SH2D4B: variants seen among roughly 807,000 people sequenced by gnomAD.
SH2D4B encodes the protein SH2 domain-containing protein 4B.
In SH2D4B, 45 loss-of-function variants were observed where a neutral mutation model predicts 61.5. The ratio of observed to expected loss-of-function variants is 0.73; its 90% confidence interval spans 0.58 to 0.94. SH2D4B has a LOEUF of 0.94. Among genes scored for constraint, SH2D4B ranks in the 40% least tolerant of loss-of-function variants. The probability of loss-of-function intolerance (pLI) is 0.00; values close to 1 mark genes in which losing one functional copy is unlikely to be tolerated. For synonymous variants in SH2D4B, 224 were observed against 220.4 expected (o/e 1.02, Z -0.14); for missense variants, 572 against 574.2 (o/e 1.00, Z 0.04).
At chr10:80,606,514 T>C (rs1842521552) in intron 5 of SH2D4B, among the ~76,000 whole-genome samples, 1 of 152,002 alleles carries the variant, frequency 6.6e-6, no homozygotes, top group South Asian at 2.1e-4. Flanking sequence ...ACCCGGCTAA[T>C]TTTTTGTATT....
At chr10:80,543,461 C>T (rs1016272964) in intron 1 of SH2D4B, among the ~76,000 whole-genome samples, 2 of 152,184 alleles carry the variant, frequency 1.3e-5, no homozygotes, top group African/African-American at 4.8e-5. Flanking sequence ...GCGCAGGGCT[C>T]GGGACCTGCA....
Position 80,600,250 on chromosome 10 carries a change from T to C in SH2D4B, c.644-3329T>C, listed in dbSNP as rs577948355. On this transcript the variant is annotated intron_variant, in intron 4 of 7. Coordinates refer to ENST00000646907, the MANE Select transcript of SH2D4B (RefSeq NM_001388272.1). Reference sequence around the variant, plus strand: ...TTTACTGATTTCTTTCCCCATATTATAGGATGGTTCATTAATTTTCAGGGA... The same window carrying C: ...TTTACTGATTTCTTTCCCCATATTACAGGATGGTTCATTAATTTTCAGGGA... Among the ~76,000 whole-genome samples, 6 of 152,344 alleles carry C rather than the reference T, an allele frequency of 3.9e-5. No homozygotes were observed. In the South Asian group the frequency reaches 1.2e-3, roughly 32 times the overall value.
At chr10:80,589,216 C>G (rs1468456322) in intron 4 of SH2D4B, among the ~76,000 whole-genome samples, 1 of 152,062 alleles carries the variant, frequency 6.6e-6, no homozygotes, top group African/African-American at 2.4e-5. Context: ...GTTGGCCAGG[C>G]TGGTCTCAAA....
At chr10:80,572,945 AATATATATATATATATATATAT>A (rs869061750) in intron 3 of SH2D4B, among the ~76,000 whole-genome samples, 279 of 20,666 alleles carry the variant, frequency 0.014, 6 homozygotes, top group Non-Finnish European at 0.016. Context: ...GTATGTTGCA[AATATATATATATATATATATAT>A]ATATATATAT....
At chr10:80,541,433 A>G (rs543406649) in intron 1 of SH2D4B, among the ~76,000 whole-genome samples, 1 of 151,276 alleles carries the variant, frequency 6.6e-6, no homozygotes, top group Admixed American at 6.6e-5. Flanking sequence ...CTCCCTACAC[A>G]TTTTTTTTCT....
chr10:80,542,056 A>C (rs1347033535), intron 1 of SH2D4B, among the ~76,000 whole-genome samples: 10 of 152,148 alleles, frequency 6.6e-5, no homozygotes, highest in Admixed American at 3.3e-4. Flanking sequence ...TTATTGTGCT[A>C]TCACGTTTCT....
chr10:80,551,387 G>T (rs1841760101), intron 1 of SH2D4B, among the ~76,000 whole-genome samples: 1 of 151,962 alleles, frequency 6.6e-6, no homozygotes, highest in African/African-American at 2.4e-5. Flanking sequence ...CTTAATAAAA[G>T]ATGCCAAACT....
chr10:80,582,805 C>T (rs549011713), intron 3 of SH2D4B, among the ~76,000 whole-genome samples: 14 of 152,306 alleles, frequency 9.2e-5, no homozygotes, highest in South Asian at 8.3e-4. Flanking sequence ...AGGGGCCCTG[C>T]TTGCTGCAGG....
intron 7 of SH2D4B, among the ~76,000 whole-genome samples, chr10:80,634,791 A>G (rs1032717954): frequency 1.3e-5 from 2 of 152,166 alleles, no homozygotes; most frequent in South Asian, 4.1e-4. Flanking sequence ...TCCTGTTAAC[A>G]CAAGGACTGG....
At chr10:80,613,663 C>T (rs576198337) in intron 6 of SH2D4B, among the ~76,000 whole-genome samples, 40 of 152,318 alleles carry the variant, frequency 2.6e-4, no homozygotes, top group African/African-American at 8.4e-4. Context: ...CATGCTTCTT[C>T]GTGAGCAAGC....
At chr10:80,620,886 TGA>T (rs946018982) in intron 6 of SH2D4B, among the ~76,000 whole-genome samples, 1 of 152,210 alleles carries the variant, frequency 6.6e-6, no homozygotes, top group African/African-American at 2.4e-5. Context: ...CACTCTTTAT[TGA>T]GGGCCTAAGT....
At chr10:80,613,100 G>C (rs541666992) in intron 6 of SH2D4B, among the ~76,000 whole-genome samples, 1 of 152,184 alleles carries the variant, frequency 6.6e-6, no homozygotes, top group Non-Finnish European at 1.5e-5. Flanking sequence ...TCAGGTTTGG[G>C]GAAATGGGCA....
At chr10:80,566,782 C>T (rs1231445892) in intron 1 of SH2D4B, among the ~76,000 whole-genome samples, 1 of 152,148 alleles carries the variant, frequency 6.6e-6, no homozygotes, top group African/African-American at 2.4e-5. Context: ...TTTCCCCTTG[C>T]TTAGCAGGAT....
intron 7 of SH2D4B, 100 bp from the exon 8 acceptor site, chr10:80,643,893 A>G (rs1427389443): frequency 5.8e-6 from 4 of 687,742 alleles, no homozygotes; most frequent in East Asian, 3.1e-5. Flanking sequence ...AGACAAATGC[A>G]TATTCTTAGT....
intron 3 of SH2D4B, 120 bp downstream of exon 3, chr10:80,571,698 A>G: frequency 9.0e-7 from 1 of 1,113,968 alleles, no homozygotes; most frequent in Non-Finnish European, 1.3e-6. Flanking sequence ...CTTTATGAGA[A>G]TAGAAATCTG....
chr10:80,619,949 G>A (rs753859334), intron 6 of SH2D4B, among the ~76,000 whole-genome samples: 3 of 152,178 alleles, frequency 2.0e-5, no homozygotes, highest in African/African-American at 7.2e-5. Context: ...GCTTCTTTGG[G>A]CATTGCTTCT....
intron 1 of SH2D4B, among the ~76,000 whole-genome samples, chr10:80,554,853 C>T (rs942496235): frequency 3.4e-4 from 52 of 151,898 alleles, no homozygotes; most frequent in African/African-American, 1.1e-3. Context: ...ACTAAAAATA[C>T]AAAAAATTAG....
chr10:80,593,224 T>C (rs1425987742), intron 4 of SH2D4B, among the ~76,000 whole-genome samples: 3 of 152,232 alleles, frequency 2.0e-5, no homozygotes, highest in African/African-American at 7.2e-5. Flanking sequence ...GCTTGTCAAT[T>C]GTTGCAATAA....
chr10:80,623,209 C>T (rs1842735448), intron 6 of SH2D4B, among the ~76,000 whole-genome samples: 1 of 152,268 alleles, frequency 6.6e-6, no homozygotes, highest in Admixed American at 6.5e-5. Flanking sequence ...GCCGCCGTGC[C>T]TGGCCGAAAC....
Sources: gnomAD v4.1 joint callset for allele counts (sites outside exome capture counted in the v4.1 genomes callset) on GRCh38, gnomAD v4.1.1 for gene constraint, MANE v1.5 for transcripts, NCBI Gene and HGNC (gene_info 2026-07-23, HGNC 2026-07-21) for gene names.